Variants in NRXN3 observed in about 807,000 individuals in gnomAD.
NRXN3 encodes the protein neurexin 3, also known as neurexin III.
A neutral mutation model predicts 137.6 loss-of-function variants in NRXN3; 32 were observed. The ratio of observed to expected loss-of-function variants is 0.23; its 90% CI spans 0.18 to 0.31. The LOEUF is 0.31. NRXN3 is among the 10% of genes least tolerant of loss of function. NRXN3 has a pLI of 1.00. For synonymous variants in NRXN3, 798 were observed against 784.5 expected (o/e 1.02, Z -0.29); for missense variants, 1,574 against 2,062.5 (o/e 0.76, Z 4.59).
At chr14:78,568,853 G>A (rs191866555) in intron 4 of NRXN3, among the ~76,000 whole-genome samples, 4 of 152,222 alleles carry the variant, frequency 2.6e-5, no homozygotes, top group Admixed American at 2.6e-4. Flanking sequence ...ACTTTAGTGG[G>A]CATGAGAAAC....
At chr14:78,280,985 G>A (rs1488626246) in intron 3 of NRXN3, among the ~76,000 whole-genome samples, 1 of 152,226 alleles carries the variant, frequency 6.6e-6, no homozygotes, top group African/African-American at 2.4e-5. Flanking sequence ...TCACCCAGCT[G>A]TTGAGTGGCA....
intron 15 of NRXN3, among the ~76,000 whole-genome samples, chr14:79,070,079 G>A (rs2099685679): frequency 1.3e-5 from 2 of 152,106 alleles, no homozygotes; most frequent in Admixed American, 1.3e-4. Context: ...GGAAACCAAT[G>A]TCACATCAAA....
At chr14:79,611,109 A>G (rs546672309) in intron 16 of NRXN3, among the ~76,000 whole-genome samples, 7 of 152,232 alleles carry the variant, frequency 4.6e-5, no homozygotes, top group Non-Finnish European at 7.3e-5. Flanking sequence ...AGTTTCAACT[A>G]GTAGTAACTA....
intron 1 of NRXN3, among the ~76,000 whole-genome samples, chr14:78,240,255 A>G (rs2066908756): frequency 6.6e-6 from 1 of 152,208 alleles, no homozygotes; most frequent in African/African-American, 2.4e-5. Flanking sequence ...AAAGCACTTG[A>G]TAACAATAAC....
At chr14:78,171,691 C>T (rs916798236) in intron 1 of NRXN3, among the ~76,000 whole-genome samples, 9 of 151,208 alleles carry the variant, frequency 6.0e-5, no homozygotes, top group Non-Finnish European at 1.2e-4. Flanking sequence ...TAATACCAAC[C>T]TAAGGGCTCG....
chr14:78,960,252 T>C (rs1304563641), intron 11 of NRXN3, among the ~76,000 whole-genome samples: 1 of 152,188 alleles, frequency 6.6e-6, no homozygotes, highest in Non-Finnish European at 1.5e-5. Context: ...GCTGTTTTGC[T>C]TATGAGTTAC....
chr14:79,163,171 C>G (rs931588960), intron 15 of NRXN3, among the ~76,000 whole-genome samples: 1 of 151,832 alleles, frequency 6.6e-6, no homozygotes, highest in Non-Finnish European at 1.5e-5. Flanking sequence ...ATAAACTTAT[C>G]AGTAGTTTTA....
chr14:78,300,669 C>A, intron 4 of NRXN3: 1 of 1,530,294 alleles, frequency 6.5e-7, no homozygotes, highest in Non-Finnish European at 8.8e-7. Flanking sequence ...ATTGGACCTT[C>A]ATTTCTGTAG....
At chr14:78,444,034 A>G (rs2153699105) in intron 4 of NRXN3, among the ~76,000 whole-genome samples, 1 of 152,318 alleles carries the variant, frequency 6.6e-6, no homozygotes, top group South Asian at 2.1e-4. Context: ...GCAAAGGGGA[A>G]GCCAAGGGCT....
chr14:79,747,184 A>G (rs2098982378), intron 19 of NRXN3, among the ~76,000 whole-genome samples: 1 of 152,098 alleles, frequency 6.6e-6, no homozygotes, highest in Non-Finnish European at 1.5e-5. Context: ...AGCTACTTAT[A>G]AAGTTTCTGC....
intron 4 of NRXN3, among the ~76,000 whole-genome samples, chr14:78,372,467 G>A (rs959584835): frequency 2.6e-5 from 4 of 152,030 alleles, no homozygotes; most frequent in Non-Finnish European, 4.4e-5. Flanking sequence ...TGGGATCACA[G>A]GCACCCACCA....
intron 1 of NRXN3, among the ~76,000 whole-genome samples, chr14:78,202,108 T>C (rs1306199211): frequency 1.3e-5 from 2 of 151,920 alleles, no homozygotes; most frequent in Non-Finnish European, 2.9e-5. Context: ...CTGCCATGGG[T>C]GAGCTGCCAT....
intron 15 of NRXN3, among the ~76,000 whole-genome samples, chr14:79,227,531 G>A (rs935222348): frequency 1.3e-5 from 2 of 152,028 alleles, no homozygotes; most frequent in Non-Finnish European, 2.9e-5. Flanking sequence ...GTCACCAAAC[G>A]GTTAAATATG....
intron 15 of NRXN3, among the ~76,000 whole-genome samples, chr14:79,255,454 A>G (rs1327215492): frequency 2.0e-5 from 3 of 152,184 alleles, no homozygotes; most frequent in East Asian, 1.9e-4. Context: ...TTGGGTTCCA[A>G]TCCTACCATT....
At chr14:78,872,894 T>C (rs1196944096) in intron 10 of NRXN3, among the ~76,000 whole-genome samples, 1 of 152,204 alleles carries the variant, frequency 6.6e-6, no homozygotes, top group Non-Finnish European at 1.5e-5. Context: ...ATTTTTCTTA[T>C]AACTTCGCAC....
chr14:78,512,810 G>C (rs1012014903), intron 4 of NRXN3, among the ~76,000 whole-genome samples: 4 of 152,150 alleles, frequency 2.6e-5, no homozygotes, highest in Non-Finnish European at 2.9e-5. Flanking sequence ...CCACAAGGTA[G>C]GAAGAGTTTG....
At chr14:79,463,963 CA>C (rs994385742) in intron 15 of NRXN3, among the ~76,000 whole-genome samples, 15 of 152,090 alleles carry the variant, frequency 9.9e-5, no homozygotes, top group Admixed American at 1.3e-4. Context: ...ATATGTAAAA[CA>C]AAATAATTCT....
At chr14:79,368,090 G>C (rs1287332805) in intron 15 of NRXN3, among the ~76,000 whole-genome samples, 1 of 152,142 alleles carries the variant, frequency 6.6e-6, no homozygotes, top group Non-Finnish European at 1.5e-5. Context: ...GGCTTTACAT[G>C]ATACTGACTT....
chr14:79,014,615 T>C (rs778640321), intron 15 of NRXN3, among the ~76,000 whole-genome samples: 2 of 152,210 alleles, frequency 1.3e-5, no homozygotes, highest in African/African-American at 2.4e-5. Context: ...TTTCAGTATA[T>C]ATCCAATAAT....
Sources: gnomAD v4.1 joint callset for allele counts (sites outside exome capture counted in the v4.1 genomes callset) on GRCh38, gnomAD v4.1.1 for gene constraint, MANE v1.5 for transcripts, NCBI Gene and HGNC (gene_info 2026-07-23, HGNC 2026-07-21) for gene names.